The following ASXL2 variants were observed in gnomAD, a reference collection of about 807,000 sequenced individuals.
ASXL2 encodes putative Polycomb group protein ASXL2.
In ASXL2, 23 loss-of-function variants were observed where a neutral mutation model predicts 122.0. That is an observed-to-expected ratio of 0.19 (90% CI 0.14 to 0.27). The LOEUF (loss-of-function observed/expected upper bound fraction) is 0.27. ASXL2 is among the 10% of genes least tolerant of loss of function. The pLI, the probability that ASXL2 is intolerant of heterozygous loss-of-function variation, is 1.00. For missense variants in ASXL2, 1,518 were observed against 1,713.8 expected, an observed-to-expected ratio of 0.89 and a Z score of 2.02; for synonymous variants, 650 against 637.0, an observed-to-expected ratio of 1.02 and a Z score of -0.31.
chr2:25,843,700 G>A (rs62127722), intron 2 of ASXL2, among the ~76,000 whole-genome samples: 22,569 of 151,324 alleles, frequency 0.15, 2,118 homozygotes, highest in Non-Finnish European at 0.22. Context: ...GCTTCAGGAG[G>A]CAGAGATGAG....
At chr2:25,823,050 G>T in intron 3 of ASXL2, 2 of 464,388 alleles carry the variant, frequency 4.3e-6, no homozygotes, top group Admixed American at 3.0e-5. Flanking sequence ...AAAGGCAGAT[G>T]CTGTATTTGC....
intron 5 of ASXL2, among the ~76,000 whole-genome samples, chr2:25,781,348 G>A (rs1167816520): frequency 2.6e-5 from 4 of 152,060 alleles, no homozygotes; most frequent in African/African-American, 4.8e-5. Context: ...GCAGTGAGCC[G>A]TGATGGTGCT....
chr2:25,783,687 G>A (rs555115064), intron 5 of ASXL2, among the ~76,000 whole-genome samples: 1 of 152,102 alleles, frequency 6.6e-6, no homozygotes, highest in South Asian at 2.1e-4. Flanking sequence ...CCAGTACTTT[G>A]GGAGGCCAAA....
chr2:25,749,535 C>G (rs560394673), intron 12 of ASXL2, among the ~76,000 whole-genome samples, 161 bp downstream of exon 12: 114 of 152,304 alleles, frequency 7.5e-4, no homozygotes, highest in African/African-American at 2.7e-3. Context: ...AAATGCCCAT[C>G]TATCATTTTA....
At chr2:25,769,485 C>T (rs954687606) in intron 6 of ASXL2, among the ~76,000 whole-genome samples, 1 of 152,038 alleles carries the variant, frequency 6.6e-6, no homozygotes, top group African/African-American at 2.4e-5. Context: ...CTAGACAATA[C>T]TGGTTCTAAC....
At chr2:25,766,294 C>G (rs1380370731) in intron 8 of ASXL2, among the ~76,000 whole-genome samples, 1 of 151,784 alleles carries the variant, frequency 6.6e-6, no homozygotes, top group African/African-American at 2.4e-5. Context: ...TTCTTAATGC[C>G]TATTACACAT....
At chr2:25,756,709 C>G (rs1220128951) in intron 9 of ASXL2, among the ~76,000 whole-genome samples, 2 of 152,184 alleles carry the variant, frequency 1.3e-5, no homozygotes, top group African/African-American at 2.4e-5. Flanking sequence ...ACTTTGCAGG[C>G]CATATGGCTT....
In ASXL2 at chr2:25,871,944, T is replaced by A. The variant is rs187658058; in HGVS notation, c.57+6222A>T. Among the ~76,000 whole-genome samples the A allele has an allele frequency of 2.0e-3, 309 of 152,372 alleles. 1 individual carries two copies. The highest frequency in any genetic ancestry group is 7.1e-3 in the African/African-American group (295 of 41,582). On this transcript the variant is annotated intron_variant, in intron 1 of 12. Transcript: ENST00000435504. The stretch of plus-strand genomic sequence containing the variant: ...CATCAGAGCAGTTCCTCAATTTTTT[T>A]AAAAATTAAAGAACTTTTTATTAAA...
intron 2 of ASXL2, among the ~76,000 whole-genome samples, chr2:25,839,817 G>A (rs1159824898): frequency 1.3e-5 from 2 of 150,542 alleles, no homozygotes; most frequent in African/African-American, 4.9e-5. Context: ...TAATATACGA[G>A]GTACTAATAA....
At chr2:25,820,414 AAAGT>A (rs770703692) in intron 3 of ASXL2, among the ~76,000 whole-genome samples, 5 of 152,252 alleles carry the variant, frequency 3.3e-5, no homozygotes, top group Non-Finnish European at 5.9e-5. Flanking sequence ...GATTTTTAAA[AAAGT>A]AAGTATATGA....
chr2:25,763,659 A>G (rs908620674), intron 8 of ASXL2, among the ~76,000 whole-genome samples: 7 of 152,234 alleles, frequency 4.6e-5, no homozygotes, highest in Admixed American at 4.6e-4. Context: ...CAGCAGCAGC[A>G]ACTTACATAG....
chr2:25,771,955 G>A (rs549761196), intron 5 of ASXL2, among the ~76,000 whole-genome samples: 3 of 152,230 alleles, frequency 2.0e-5, no homozygotes, highest in South Asian at 2.1e-4. Context: ...AAGGCCATTC[G>A]ACCTCAAAAC....
At chr2:25,747,772 T>A (rs990231794) in intron 12 of ASXL2, among the ~76,000 whole-genome samples, 2 of 152,030 alleles carry the variant, frequency 1.3e-5, no homozygotes, top group African/African-American at 4.8e-5. Flanking sequence ...GTAAAAGTGA[T>A]TATAATAAAA....
Position 25,744,344 on chromosome 2 carries a change from G to C in ASXL2, c.1993C>G (p.Gln665Glu). ...GCTGCCCTCTGTGCTTTGACCAGTT[G>C]GGCTTTTGCTTTGATGTCTGCAAGA... ...RTLADIKAKA[Q>E]LVKAQRAAAA... The change falls in exon 13 of 13, where the codon CAA becomes GAA. Residue 665 changes from glutamine (Q) to glutamate (E), a missense_variant. Physicochemically the swap from Gln to Glu is conservative, Grantham distance 29. Around this residue, in one of 8 missense-constraint regions of ASXL2, gnomAD observed 48 missense variants for 82.1 expected, o/e 0.58. Transcript: ENST00000435504. The surrounding 1 kb of genome is among the most constrained non-coding windows in gnomAD (Gnocchi z 4.7). 1 of 1,613,956 alleles carries C rather than the reference G, an allele frequency of 6.2e-7. No homozygotes were observed. The highest frequency in any genetic ancestry group is 8.5e-7 in the Non-Finnish European group (1 of 1,179,884).
chr2:25,750,607 T>C (rs1017165438), intron 11 of ASXL2, among the ~76,000 whole-genome samples, 194 bp from the exon 12 acceptor site: 1 of 152,210 alleles, frequency 6.6e-6, no homozygotes, highest in African/African-American at 2.4e-5. Context: ...CTGGCTCTGA[T>C]ACCTACCGTC....
At position 25,743,971 on chromosome 2, in the gene ASXL2, C is replaced by T. The variant is rs1405456110; in HGVS notation, c.2366G>A (p.Cys789Tyr). 6.2e-7 allele frequency: 1 copy of T among 1,613,992 alleles called. No homozygotes were observed. Among genetic ancestry groups the T allele is most frequent in the Non-Finnish European group, 8.5e-7 (1 of 1,179,890 alleles). ...VPPTPAVSGA[C>Y]TSVPSPAHIE... ...GTGGGCTGGTGATGGGACACTTGTG[C>T]ATGCTCCACTGACGGCAGGTGTTGG... is the stretch of plus-strand genomic sequence containing the variant. The change falls in exon 13 of 13, where the codon TGC becomes TAC. Residue 789 changes from cysteine to tyrosine, a missense_variant. Transcript: ENST00000435504.
intron 3 of ASXL2, among the ~76,000 whole-genome samples, chr2:25,815,073 G>A (rs1299169954): frequency 6.6e-6 from 1 of 152,120 alleles, no homozygotes; most frequent in Non-Finnish European, 1.5e-5. Context: ...GTCTGGCAGT[G>A]TTCCAGTGTT....
chr2:25,767,187 C>T (rs541568014), intron 8 of ASXL2, among the ~76,000 whole-genome samples: 15 of 152,214 alleles, frequency 9.9e-5, no homozygotes, highest in South Asian at 2.1e-4. Flanking sequence ...TTTAATCATA[C>T]GCCCTTCTAT....
At chr2:25,759,908 T>C (rs1203590697) in intron 8 of ASXL2, among the ~76,000 whole-genome samples, 4 of 152,204 alleles carry the variant, frequency 2.6e-5, no homozygotes, top group African/African-American at 4.8e-5. Flanking sequence ...TCTTCTACCA[T>C]ACTAAAACTG....
Sources: gnomAD v4.1 joint callset for allele counts (sites outside exome capture counted in the v4.1 genomes callset) on GRCh38, gnomAD v4.1.1 for gene constraint, gnomAD v4.1.1 regional missense constraint, Gnocchi (gnomAD v3.1) non-coding constraint, MANE v1.5 for transcripts, NCBI Gene and HGNC (gene_info 2026-07-23, HGNC 2026-07-21) for gene names.